Variants in WDR72 observed in about 807,000 individuals in gnomAD.
WDR72 encodes WD repeat-containing protein 72.
A neutral mutation model predicts 124.2 loss-of-function variants in WDR72; 120 were observed. The observed-to-expected ratio is 0.97, with a 90% CI of 0.83 to 1.12. The LOEUF (loss-of-function observed/expected upper bound fraction) is 1.12. WDR72 is among the 50% of genes most tolerant of loss of function. WDR72 has a pLI of 0.00. For synonymous variants in WDR72, 452 were observed against 441.7 expected (o/e 1.02, Z -0.29); for missense variants, 1,387 against 1,278.8 (o/e 1.08, Z -1.29).
At chr15:53,592,480 T>C (rs933967939) in intron 18 of WDR72, among the ~76,000 whole-genome samples, 2 of 152,086 alleles carry the variant, frequency 1.3e-5, no homozygotes, top group African/African-American at 4.8e-5. Context: ...AATGTTTCTG[T>C]TGAATGGATT....
At chr15:53,568,212 G>A (rs545816050) in intron 18 of WDR72, among the ~76,000 whole-genome samples, 189 of 151,296 alleles carry the variant, frequency 1.2e-3, no homozygotes, top group Non-Finnish European at 1.8e-3. Flanking sequence ...TATGGGGATC[G>A]TATGTGGGGA....
At chr15:53,551,474 C>T (rs1222662030) in intron 18 of WDR72, among the ~76,000 whole-genome samples, 1 of 152,122 alleles carries the variant, frequency 6.6e-6, no homozygotes, top group Non-Finnish European at 1.5e-5. Context: ...GCAAAACACC[C>T]TTGGCAACTG....
Position 53,722,802 on chromosome 15 carries a change from C to A in WDR72, c.260G>T (p.Gly87Val). ...QPYIVSAAEN[G>V]EMCVWNVTNG... is the part of the protein sequence containing the mutation. Reference sequence around the variant, plus strand: ...GACAAAGTTTACATACCATACCTACCCATTTTCAGCAGCACTAACAATGTA... The same window carrying A: ...GACAAAGTTTACATACCATACCTACACATTTTCAGCAGCACTAACAATGTA... The change falls in exon 3 of 20, where the codon GGG becomes GTG. Residue 87 changes from glycine to valine, a missense_variant and splice_region_variant. Transcript: ENST00000360509. 4 of 1,612,830 alleles carry A rather than the reference C, an allele frequency of 2.5e-6. No individual in the cohort carries two copies. The highest frequency in any genetic ancestry group is 3.4e-6 in the Non-Finnish European group (4 of 1,179,412).
chr15:53,631,906 C>G (rs2014444125), intron 14 of WDR72, among the ~76,000 whole-genome samples: 1 of 152,032 alleles, frequency 6.6e-6, no homozygotes, highest in African/African-American at 2.4e-5. Context: ...AAGAAATGAC[C>G]TGAAATTGGA....
intron 3 of WDR72, among the ~76,000 whole-genome samples, chr15:53,718,403 T>C (rs2140565951): frequency 6.6e-6 from 1 of 152,322 alleles, no homozygotes; most frequent in East Asian, 1.9e-4. Context: ...AAAGTTCCTT[T>C]AAAAATATTA....
rs143816093 is a variant in WDR72, at chr15:53,609,531, C to T, written c.2934G>A (p.Trp978Ter). 4 of 1,613,482 alleles carry T rather than the reference C, an allele frequency of 2.5e-6. No homozygotes were observed. The South Asian group carries it at 4.4e-5, about 18-fold the overall frequency. The change falls in exon 17 of 20, where the codon TGG (tryptophan) becomes TGA (stop). Residue 978 changes from tryptophan to a stop codon, truncating the protein, a stop_gained. Coordinates refer to ENST00000360509, the MANE Select transcript of WDR72 (RefSeq NM_182758.4). LOFTEE classifies it high-confidence loss of function. Reference sequence around the variant, plus strand: ...ATCATACCTGCACAGACTGGTCTCTCCAACAGGAAATTAGCTTCAAAAGTG... The same window carrying T: ...ATCATACCTGCACAGACTGGTCTCTTCAACAGGAAATTAGCTTCAAAAGTG... ...DLSLLKLISCWRDQSVQVTEA... is the reference protein window; with the variant it reads ...DLSLLKLISC
intron 14 of WDR72, among the ~76,000 whole-genome samples, chr15:53,644,179 C>T (rs865985275): frequency 1.3e-5 from 2 of 152,022 alleles, no homozygotes; most frequent in Middle Eastern, 3.4e-3. Flanking sequence ...CACAAACAAA[C>T]GCAAACCAAA....
At chr15:53,699,206 A>G (rs2017092800) in intron 13 of WDR72, among the ~76,000 whole-genome samples, 1 of 152,104 alleles carries the variant, frequency 6.6e-6, no homozygotes, top group Admixed American at 6.5e-5. Flanking sequence ...ATTACTCTCA[A>G]TCTTTAGTTA....
intron 13 of WDR72, among the ~76,000 whole-genome samples, chr15:53,686,380 T>C (rs1235741058): frequency 1.3e-5 from 2 of 149,718 alleles, no homozygotes; most frequent in East Asian, 2.0e-4. Context: ...ACCAAGCAAA[T>C]GGAAAACAAA....
chr15:53,641,036 G>T (rs1292740872), intron 14 of WDR72, among the ~76,000 whole-genome samples: 1 of 151,156 alleles, frequency 6.6e-6, no homozygotes, highest in Non-Finnish European at 1.5e-5. Context: ...TTGCCTCTTA[G>T]ATCTTTTGTA....
chr15:53,628,745 T>G (rs1471326035), intron 14 of WDR72, among the ~76,000 whole-genome samples: 1 of 152,134 alleles, frequency 6.6e-6, no homozygotes, highest in Admixed American at 6.6e-5. Flanking sequence ...TGATTTCTAG[T>G]CAAGATGGCA....
Position 53,705,907 on chromosome 15 carries a change from A to G in WDR72, c.1102+20T>C. ...ATTCATTCTCAGAAGACATGTTACTAGAAAAGGAAACTGACTTACCTCTAG... is the reference window on the plus strand; with the variant it reads ...ATTCATTCTCAGAAGACATGTTACTGGAAAAGGAAACTGACTTACCTCTAG... On this transcript the variant is annotated intron_variant, in intron 10 of 19. Transcript: ENST00000360509. 2 of 1,613,900 alleles carry G rather than the reference A, an allele frequency of 1.2e-6. No individual in the cohort carries two copies. The highest frequency in any genetic ancestry group is 1.7e-6 in the Non-Finnish European group (2 of 1,179,854).
chr15:53,708,611 G>T (rs776508831), intron 9 of WDR72, among the ~76,000 whole-genome samples: 3 of 152,010 alleles, frequency 2.0e-5, no homozygotes, highest in Non-Finnish European at 4.4e-5. Context: ...ATGGGATCTT[G>T]GTGGCAACTA....
chr15:53,577,942 A>G (rs1595770993), intron 18 of WDR72, among the ~76,000 whole-genome samples: 1 of 152,162 alleles, frequency 6.6e-6, no homozygotes, highest in South Asian at 2.1e-4. Context: ...TACAAATACA[A>G]TTTTTAAAAA....
chr15:53,685,865 C>G (rs9745086), intron 13 of WDR72, among the ~76,000 whole-genome samples: 41,965 of 93,572 alleles, frequency 0.45, 11,100 homozygotes, highest in East Asian at 0.68. Context: ...GGATCTCTCA[C>G]CAGAAACCCT....
At chr15:53,752,393 G>A (rs1389379240) in intron 1 of WDR72, among the ~76,000 whole-genome samples, 3 of 152,160 alleles carry the variant, frequency 2.0e-5, no homozygotes, top group African/African-American at 7.2e-5. Context: ...AATCCAATCT[G>A]ACTGGTAGTC....
intron 15 of WDR72, among the ~76,000 whole-genome samples, chr15:53,615,108 G>A (rs1055997235): frequency 9.9e-5 from 15 of 151,654 alleles, no homozygotes; most frequent in African/African-American, 3.6e-4. Flanking sequence ...ATGTATATGT[G>A]TATGTATGTA....
chr15:53,605,262 T>C (rs2013228245), intron 17 of WDR72, among the ~76,000 whole-genome samples: 1 of 152,126 alleles, frequency 6.6e-6, no homozygotes, highest in Non-Finnish European at 1.5e-5. Flanking sequence ...TACTGCATGT[T>C]CTCACTTATA....
intron 18 of WDR72, among the ~76,000 whole-genome samples, chr15:53,551,789 T>C (rs1893739511): frequency 6.6e-6 from 1 of 152,022 alleles, no homozygotes. Flanking sequence ...AAGGTATCAA[T>C]GAAAGAGGTG....
Sources: allele counts gnomAD v4.1 joint callset (sites outside exome capture counted in the v4.1 genomes callset), GRCh38; gene constraint gnomAD v4.1.1; transcripts MANE v1.5; gene names NCBI Gene and HGNC (gene_info 2026-07-23, HGNC 2026-07-21).